Variants in GABBR2 observed in about 807,000 individuals in gnomAD.
GABBR2 encodes the protein gamma-aminobutyric acid type B receptor subunit 2.
A neutral mutation model predicts 105.6 loss-of-function variants in GABBR2; 23 were observed. The ratio of observed to expected loss-of-function variants is 0.22; its 90% CI spans 0.16 to 0.31. The LOEUF is 0.31. Ranked by LOEUF, GABBR2 falls within the 10% of genes least tolerant of loss-of-function variation. The pLI is 1.00. For missense variants in GABBR2, 734 were observed against 1,245.5 expected (o/e 0.59, Z 6.18); for synonymous variants, 478 against 499.7 (o/e 0.96, Z 0.58).
Position 98,289,535 on chromosome 9 carries a change from C to A in GABBR2, c.*1049G>T, listed in dbSNP as rs531982037. The A allele has an allele frequency of 2.6e-5, 4 of 152,486 alleles. No homozygotes were observed. In the South Asian group the frequency reaches 8.3e-4, roughly 32 times the overall value. 9.4% of individuals were successfully genotyped at this position (152,486 alleles called of 1,614,324 possible). A position where few individuals can be genotyped will look rare whatever the true frequency, so the allele number is the denominator to read the frequency against. On this transcript the variant is annotated 3_prime_UTR_variant, in exon 19 of 19. Coordinates refer to ENST00000259455, the MANE Select transcript of GABBR2 (RefSeq NM_005458.8). ...TGGATGGAAGGCTGCCTTCTGGAAG[C>A]CAAGGGAAGCCCTCAGCCAGCAACT... is the stretch of plus-strand genomic sequence containing the variant.
chr9:98,458,282 G>A (rs1366656161), intron 6 of GABBR2, among the ~76,000 whole-genome samples: 1 of 152,236 alleles, frequency 6.6e-6, no homozygotes, highest in Non-Finnish European at 1.5e-5. Flanking sequence ...GAAACTGGCA[G>A]ACTTTCTCGC....
intron 2 of GABBR2, among the ~76,000 whole-genome samples, chr9:98,554,377 A>C (rs1828549521): frequency 6.6e-6 from 1 of 152,190 alleles, no homozygotes; most frequent in Non-Finnish European, 1.5e-5. Flanking sequence ...GAAAAAGAAA[A>C]GAAAGAAAAG....
intron 13 of GABBR2, among the ~76,000 whole-genome samples, chr9:98,316,759 T>C (rs953190935): frequency 6.6e-6 from 1 of 152,116 alleles, no homozygotes; most frequent in Non-Finnish European, 1.5e-5. Context: ...CACTGCTGGG[T>C]TGGGAACTCT....
intron 2 of GABBR2, among the ~76,000 whole-genome samples, chr9:98,560,589 C>T (rs970401828): frequency 7.9e-5 from 12 of 151,368 alleles, no homozygotes; most frequent in Non-Finnish European, 1.5e-4. Flanking sequence ...AAGAATAGTA[C>T]GAGGAACATT....
intron 13 of GABBR2, among the ~76,000 whole-genome samples, chr9:98,359,971 AG>A (rs1831554282): frequency 6.6e-6 from 1 of 152,220 alleles, no homozygotes; most frequent in Non-Finnish European, 1.5e-5. Context: ...CTGAAACTGA[AG>A]TCATATACTT....
chr9:98,312,539 A>C (rs1830651831), intron 13 of GABBR2, among the ~76,000 whole-genome samples: 1 of 152,210 alleles, frequency 6.6e-6, no homozygotes, highest in African/African-American at 2.4e-5. Context: ...ATTAATAAAT[A>C]ATCTGTGGGA....
chr9:98,511,257 T>C (rs13296580), intron 3 of GABBR2, among the ~76,000 whole-genome samples: 49,309 of 146,494 alleles, frequency 0.34, 8,373 homozygotes, highest in Middle Eastern at 0.5. Context: ...TTCAAAGCAG[T>C]GTGTAGAGGG....
intron 1 of GABBR2, among the ~76,000 whole-genome samples, chr9:98,611,063 C>T (rs1307472933): frequency 6.6e-6 from 1 of 152,178 alleles, no homozygotes; most frequent in Non-Finnish European, 1.5e-5. Context: ...ACTGCTTTCT[C>T]AAGTCTCCCT....
At chr9:98,421,758 A>C (rs980873852) in intron 7 of GABBR2, among the ~76,000 whole-genome samples, 3 of 152,242 alleles carry the variant, frequency 2.0e-5, no homozygotes, top group Admixed American at 6.5e-5. Context: ...TAATTGTTTA[A>C]CAGATGACAG....
At chr9:98,519,710 CTTT>C (rs11386577) in intron 3 of GABBR2, among the ~76,000 whole-genome samples, 18 of 142,512 alleles carry the variant, frequency 1.3e-4, no homozygotes, top group East Asian at 2.0e-4. Context: ...GAGCCGGCAA[CTTT>C]TTTTTTTTTT....
intron 1 of GABBR2, among the ~76,000 whole-genome samples, chr9:98,633,448 C>A (rs755868063): frequency 3.4e-4 from 52 of 151,938 alleles, no homozygotes; most frequent in Non-Finnish European, 6.3e-4. Flanking sequence ...CGTGGTGAAA[C>A]CCCGTCTCTA....
chr9:98,514,209 T>A (rs1390439220), intron 3 of GABBR2, among the ~76,000 whole-genome samples: 3 of 125,208 alleles, frequency 2.4e-5, no homozygotes, highest in Admixed American at 8.0e-5. Context: ...AACAATGAGA[T>A]CACATGGACA....
chr9:98,665,456 T>C (rs2131856624), intron 1 of GABBR2, among the ~76,000 whole-genome samples: 1 of 152,196 alleles, frequency 6.6e-6, no homozygotes, highest in South Asian at 2.1e-4. Flanking sequence ...CTGCCAGCTT[T>C]GTGTAGATCC....
intron 1 of GABBR2, among the ~76,000 whole-genome samples, chr9:98,632,208 G>A (rs1343898369): frequency 1.3e-5 from 2 of 152,162 alleles, no homozygotes; most frequent in Non-Finnish European, 2.9e-5. Flanking sequence ...GAAGGGTCAC[G>A]GTGAGTTATA....
chr9:98,371,832 G>GACAGAGGGAGAGCCAC (rs1831788315), intron 11 of GABBR2, among the ~76,000 whole-genome samples: 1 of 152,164 alleles, frequency 6.6e-6, no homozygotes, highest in Non-Finnish European at 1.5e-5. Flanking sequence ...GAGAGAGCCA[G>GACAGAGGGAGAGCCAC]ACAGAGGGAG....
chr9:98,424,775 G>A (rs1588153687), intron 7 of GABBR2, among the ~76,000 whole-genome samples: 2 of 152,216 alleles, frequency 1.3e-5, no homozygotes, highest in Middle Eastern at 3.4e-3. Flanking sequence ...CAACTTACAA[G>A]GGACGTGAAG....
intron 13 of GABBR2, among the ~76,000 whole-genome samples, chr9:98,318,209 G>A (rs1255957455): frequency 1.3e-5 from 2 of 152,180 alleles, no homozygotes; most frequent in Non-Finnish European, 2.9e-5. Flanking sequence ...ATTCAGGTGC[G>A]CGGTCCCGGG....
chr9:98,638,292 ACT>A (rs1300417978), intron 1 of GABBR2, among the ~76,000 whole-genome samples: 3 of 152,208 alleles, frequency 2.0e-5, no homozygotes, highest in African/African-American at 7.2e-5. Flanking sequence ...GAAACCACAG[ACT>A]CAAATCATCA....
At chr9:98,595,502 G>A (rs1829221958) in intron 1 of GABBR2, among the ~76,000 whole-genome samples, 1 of 151,348 alleles carries the variant, frequency 6.6e-6, no homozygotes, top group African/African-American at 2.4e-5. Flanking sequence ...TCCTGCAGGG[G>A]CGGGGTGCTT....
Sources: gnomAD v4.1 joint callset for allele counts (sites outside exome capture counted in the v4.1 genomes callset) on GRCh38, gnomAD v4.1.1 for gene constraint, MANE v1.5 for transcripts, NCBI Gene and HGNC (gene_info 2026-07-23, HGNC 2026-07-21) for gene names.